Variants in ELAPOR2 observed in about 807,000 individuals in gnomAD.
ELAPOR2 encodes the protein endosome-lysosome associated apoptosis and autophagy regulator family member 2.
A neutral mutation model predicts 120.7 loss-of-function variants in ELAPOR2; 89 were observed. The ratio of observed to expected loss-of-function variants is 0.74; its 90% CI spans 0.62 to 0.88. The LOEUF is 0.88. Among genes scored for constraint, ELAPOR2 ranks in the 40% least tolerant of loss-of-function variants. ELAPOR2 has a pLI of 0.00. For missense variants in ELAPOR2, 1,134 were observed against 1,251.6 expected, an observed-to-expected ratio of 0.91 and a Z score of 1.42; for synonymous variants, 444 against 444.9, an observed-to-expected ratio of 1.00 and a Z score of 0.03.
At chr7:87,051,334 A>G (rs995672695) in intron 1 of ELAPOR2, among the ~76,000 whole-genome samples, 3 of 152,200 alleles carry the variant, frequency 2.0e-5, no homozygotes, top group African/African-American at 7.2e-5. Context: ...ACTGGGTACA[A>G]TGTTTCACAA....
intron 13 of ELAPOR2, among the ~76,000 whole-genome samples, chr7:86,913,829 G>T (rs1409758549): frequency 6.6e-6 from 1 of 152,128 alleles, no homozygotes; most frequent in South Asian, 2.1e-4. Flanking sequence ...TCACTTTAAG[G>T]TCTGGTTTTA....
chr7:86,981,026 G>A (rs1792457937), intron 1 of ELAPOR2, among the ~76,000 whole-genome samples: 1 of 152,100 alleles, frequency 6.6e-6, no homozygotes, highest in Admixed American at 6.5e-5. Flanking sequence ...TCTGATGGGA[G>A]GCATCAGCAG....
intron 1 of ELAPOR2, among the ~76,000 whole-genome samples, chr7:87,011,025 T>C (rs1344359903): frequency 6.6e-6 from 1 of 151,982 alleles, no homozygotes; most frequent in South Asian, 2.1e-4. Context: ...CCCAGCACTT[T>C]GGGAGGCCAA....
intron 13 of ELAPOR2, among the ~76,000 whole-genome samples, chr7:86,914,091 A>C (rs949927200): frequency 5.9e-5 from 9 of 152,308 alleles, no homozygotes; most frequent in African/African-American, 2.2e-4. Context: ...CATTACGGCC[A>C]CTTTTGAACA....
intron 1 of ELAPOR2, among the ~76,000 whole-genome samples, chr7:86,980,256 C>G (rs1792421263): frequency 6.6e-6 from 1 of 152,184 alleles, no homozygotes; most frequent in African/African-American, 2.4e-5. Flanking sequence ...ATCTGAGATT[C>G]CAGGTTTCTG....
intron 2 of ELAPOR2, among the ~76,000 whole-genome samples, chr7:86,954,904 G>A (rs1363800748): frequency 6.6e-6 from 1 of 152,086 alleles, no homozygotes; most frequent in Non-Finnish European, 1.5e-5. Context: ...TCTTGCAACT[G>A]TTCTTACTAT....
chr7:86,895,233 T>A (rs2115874330), intron 19 of ELAPOR2, among the ~76,000 whole-genome samples: 1 of 152,206 alleles, frequency 6.6e-6, no homozygotes, highest in African/African-American at 2.4e-5. Flanking sequence ...TGCAGCAATA[T>A]TTGTCATTTG....
At chr7:86,882,254 A>C in intron 21 of ELAPOR2, among the ~76,000 whole-genome samples, 1 of 152,186 alleles carries the variant, frequency 6.6e-6, no homozygotes, top group East Asian at 1.9e-4. Context: ...GGATACAAAA[A>C]TGAGTACAGC....
At position 86,944,921 on chromosome 7, in the gene ELAPOR2, T is replaced by C. The variant is rs1232546620; in HGVS notation, c.632A>G (p.Asn211Ser). Reference protein sequence around the residue: ...YVFFEYQYVDNNIFFEFFIQN... With the variant: ...YVFFEYQYVDSNIFFEFFIQN... ...TACAAAGAACTCAAAGAAGATGTTG[T>C]TGTCGACATACTGGTACTCAAAGAA... Residue 211 changes from asparagine to serine, a missense_variant, in exon 4 of 22, where the codon AAC (asparagine) becomes AGC (serine). Physicochemically the swap from Asn to Ser is conservative, Grantham distance 46 (BLOSUM62 1). This residue lies in a region of ELAPOR2 where 280 missense variants were observed against 331.5 expected (regional missense o/e 0.84). Transcript: ENST00000450689. The C allele has an allele frequency of 1.9e-6, 3 of 1,547,188 alleles. No homozygotes were observed. The South Asian group carries it at 3.6e-5, about 19-fold the overall frequency.
chr7:87,023,439 C>G (rs1794131271), intron 1 of ELAPOR2, among the ~76,000 whole-genome samples: 1 of 152,120 alleles, frequency 6.6e-6, no homozygotes, highest in African/African-American at 2.4e-5. Context: ...TGTTTTGGTA[C>G]CAGTACCATG....
At chr7:86,948,335 T>G (rs1023012297) in intron 2 of ELAPOR2, among the ~76,000 whole-genome samples, 1 of 152,186 alleles carries the variant, frequency 6.6e-6, no homozygotes, top group Non-Finnish European at 1.5e-5. Flanking sequence ...GGTCCTACAG[T>G]GCACTTGTTA....
At chr7:86,953,184 A>G (rs528772603) in intron 2 of ELAPOR2, among the ~76,000 whole-genome samples, 2 of 129,802 alleles carry the variant, frequency 1.5e-5, no homozygotes, top group East Asian at 4.3e-4. Context: ...CCAGTGGATT[A>G]CATCCTTCAG....
chr7:87,009,330 T>C lies in ELAPOR2; in HGVS notation c.190-44306A>G, dbSNP rs78859057. ...ATGGAAAAGATTTCAATATACATAA[T>C]AGAAACAGGGAATGAACCACAAAGG... On this transcript the variant is annotated intron_variant, in intron 1 of 21. Transcript: ENST00000450689. Among the ~76,000 whole-genome samples the C allele has an allele frequency of 8.4e-3, 1,281 of 152,176 alleles. 22 individuals carry two copies. The highest frequency in any genetic ancestry group is 0.03 in the African/African-American group (1,230 of 41,532).
intron 1 of ELAPOR2, among the ~76,000 whole-genome samples, chr7:87,012,669 G>C (rs1793729817): frequency 6.6e-6 from 1 of 152,126 alleles, no homozygotes; most frequent in African/African-American, 2.4e-5. Context: ...GAAAGTATCT[G>C]AACAGATACT....
intron 10 of ELAPOR2, among the ~76,000 whole-genome samples, chr7:86,921,361 G>T (rs1399717551): frequency 6.6e-6 from 1 of 152,090 alleles, no homozygotes; most frequent in Non-Finnish European, 1.5e-5. Context: ...TAGACACACA[G>T]GGAGAGGATC....
intron 1 of ELAPOR2, among the ~76,000 whole-genome samples, chr7:87,048,128 C>T (rs569247209): frequency 6.6e-6 from 1 of 151,986 alleles, no homozygotes; most frequent in East Asian, 1.9e-4. Flanking sequence ...CCTGTTGTCC[C>T]AGCTACTCGG....
At chr7:87,029,357 A>G (rs1794354846) in intron 1 of ELAPOR2, among the ~76,000 whole-genome samples, 1 of 152,206 alleles carries the variant, frequency 6.6e-6, no homozygotes, top group African/African-American at 2.4e-5. Context: ...AACCCTGGCT[A>G]TGCACTGGCA....
rs142903579 is a variant in ELAPOR2, at chr7:87,033,792, T to C, written c.189+25533A>G. Among the ~76,000 whole-genome samples, 217 of 151,960 alleles carry C rather than the reference T, an allele frequency of 1.4e-3. 1 individual carries two copies. Among genetic ancestry groups the C allele is most frequent in the African/African-American group, 5.0e-3 (209 of 41,470 alleles). On this transcript the variant is annotated intron_variant, in intron 1 of 21. Coordinates refer to ENST00000450689, the MANE Select transcript of ELAPOR2 (RefSeq NM_001142749.3). Reference sequence around the variant, plus strand: ...CAATCTGTACAAAAAAAATCAATAGTGTAGAAAATAGCTCAAAAGAAATTG... The same window carrying C: ...CAATCTGTACAAAAAAAATCAATAGCGTAGAAAATAGCTCAAAAGAAATTG...
intron 1 of ELAPOR2, among the ~76,000 whole-genome samples, chr7:87,023,591 G>A (rs956129857): frequency 1.7e-4 from 26 of 152,172 alleles, no homozygotes; most frequent in South Asian, 1.4e-3. Context: ...GTTTTTTCCA[G>A]TTCTGTGAAG....
Sources: gnomAD v4.1 joint callset for allele counts (sites outside exome capture counted in the v4.1 genomes callset) on GRCh38, gnomAD v4.1.1 for gene constraint, gnomAD v4.1.1 regional missense constraint, MANE v1.5 for transcripts, NCBI Gene and HGNC (gene_info 2026-07-23, HGNC 2026-07-21) for gene names.